The following GRIN2B variants were observed in gnomAD, a reference collection of about 807,000 sequenced individuals.
GRIN2B encodes the protein glutamate ionotropic receptor NMDA type subunit 2B.
In GRIN2B, 5 loss-of-function variants were observed where a neutral mutation model predicts 114.5. The observed-to-expected ratio is 0.04, with a 90% CI of 0.02 to 0.09. GRIN2B has a LOEUF of 0.09. Among genes scored for constraint, GRIN2B ranks in the 10% least tolerant of loss-of-function variants. GRIN2B has a pLI of 1.00. For missense variants in GRIN2B, 1,108 were observed against 1,943.5 expected, an observed-to-expected ratio of 0.57 and a Z score of 8.08; for synonymous variants, 787 against 745.1, an observed-to-expected ratio of 1.06 and a Z score of -0.92.
intron 3 of GRIN2B, among the ~76,000 whole-genome samples, chr12:13,798,169 C>T (rs1282574381): frequency 6.6e-6 from 1 of 152,200 alleles, no homozygotes; most frequent in Non-Finnish European, 1.5e-5. Flanking sequence ...CTGACCCATT[C>T]TCCTTCCTCA....
At chr12:13,576,648 G>T (rs933540258) in intron 10 of GRIN2B, among the ~76,000 whole-genome samples, 1 of 151,980 alleles carries the variant, frequency 6.6e-6, no homozygotes, top group South Asian at 2.1e-4. Context: ...AACCTCCCAG[G>T]CTCAGGTGAT....
chr12:13,718,038 G>C (rs932569081), intron 4 of GRIN2B, among the ~76,000 whole-genome samples: 1 of 151,924 alleles, frequency 6.6e-6, no homozygotes, highest in African/African-American at 2.4e-5. Flanking sequence ...CTATAATGAT[G>C]ATTCATTCCC....
rs1591607552 is a variant in GRIN2B, at chr12:13,564,733, A to G, written c.2599-94T>C. The G allele has an allele frequency of 9.0e-7, 1 of 1,110,428 alleles. No homozygotes were observed. The highest frequency in any genetic ancestry group is 2.3e-5 in the East Asian group (1 of 42,672). The allele number at this position is 1,110,428 out of a possible 1,614,324, so 68.8% of individuals were successfully genotyped here. ...CCACCAATAATTGCTCCAACTGGAT[A>G]AGAAAAAGGGAAAGCATGAAGCGAA... is the stretch of plus-strand genomic sequence containing the variant. On this transcript the variant is annotated intron_variant, in intron 13 of 13. Coordinates refer to ENST00000609686, the MANE Select transcript of GRIN2B (RefSeq NM_000834.5). This position sits in a 1 kb window ranked among gnomAD's most constrained non-coding sequence, Gnocchi z 4.8.
intron 2 of GRIN2B, among the ~76,000 whole-genome samples, chr12:13,956,925 C>T (rs1053074149): frequency 3.3e-5 from 5 of 152,158 alleles, no homozygotes; most frequent in Admixed American, 6.5e-5. Flanking sequence ...TCGTCCTCTA[C>T]CCTTAATTTC....
chr12:13,762,736 C>T (rs1316517975), intron 3 of GRIN2B, among the ~76,000 whole-genome samples: 1 of 152,190 alleles, frequency 6.6e-6, no homozygotes, highest in East Asian at 1.9e-4. Flanking sequence ...GGGCTCTTTG[C>T]CCTTCTGTCC....
At chr12:13,862,118 C>A (rs114559097) in intron 3 of GRIN2B, among the ~76,000 whole-genome samples, 1,933 of 152,226 alleles carry the variant, frequency 0.013, 41 homozygotes, top group African/African-American at 0.045. Context: ...CTCAGCTAGC[C>A]CCCGTGCTTC....
In GRIN2B at chr12:13,543,778, A is replaced by G. The variant is rs1169462526; in HGVS notation, c.*19005T>C. 3 of 152,122 alleles carry G rather than the reference A, an allele frequency of 2.0e-5. No individual in the cohort carries two copies. The highest frequency in any genetic ancestry group is 4.4e-5 in the Non-Finnish European group (3 of 68,026). The allele number at this position is 152,122 out of a possible 1,614,324, so 9.4% of individuals were successfully genotyped here. On this transcript the variant is annotated 3_prime_UTR_variant, in exon 14 of 14. Coordinates refer to ENST00000609686, the MANE Select transcript of GRIN2B (RefSeq NM_000834.5). ...CACTCTTAACTGATGAACTCCTTTCATAGTTTACTAAAAATCAATCAGAAA... is the reference window on the plus strand; with the variant it reads ...CACTCTTAACTGATGAACTCCTTTCGTAGTTTACTAAAAATCAATCAGAAA...
In GRIN2B at chr12:13,725,296, A is replaced by C. The variant is rs1862960641; in HGVS notation, c.1010+28021T>G. 2.0e-5 allele frequency among the ~76,000 whole-genome samples: 3 copies of C among 152,142 alleles called. No individual in the cohort carries two copies. In the South Asian group the frequency reaches 6.2e-4, roughly 31 times the overall value. ...AAGGAAGAAAAGAAGAATGAGAGGA[A>C]AGAAAGGGGAAGAGGAGGGGTGGAG... On this transcript the variant is annotated intron_variant, in intron 4 of 13. Coordinates refer to ENST00000609686, the MANE Select transcript of GRIN2B (RefSeq NM_000834.5).
At position 13,545,570 on chromosome 12, in the gene GRIN2B, C is replaced by A. The variant is rs1378918657; in HGVS notation, c.*17213G>T. 2 of 152,182 alleles carry A rather than the reference C, an allele frequency of 1.3e-5. No individual in the cohort carries two copies. The highest frequency in any genetic ancestry group is 2.4e-5 in the African/African-American group (1 of 41,452). The allele number at this position is 152,182 out of a possible 1,614,324, so 9.4% of individuals were successfully genotyped here. A position where few individuals can be genotyped will look rare whatever the true frequency, so the allele number is the denominator to read the frequency against. On this transcript the variant is annotated 3_prime_UTR_variant, in exon 14 of 14. Coordinates refer to ENST00000609686, the MANE Select transcript of GRIN2B (RefSeq NM_000834.5). ...GCAAGCAAGGAAACAACTCCTCCCC[C>A]AAAACCTGGATATTTATTCTAAGTG... is the stretch of plus-strand genomic sequence containing the variant.
intron 3 of GRIN2B, among the ~76,000 whole-genome samples, chr12:13,769,209 T>C (rs1001586521): frequency 2.0e-5 from 3 of 152,050 alleles, no homozygotes; most frequent in Non-Finnish European, 4.4e-5. Context: ...AGAGCTAAGG[T>C]GAGAGTCAGG....
intron 3 of GRIN2B, among the ~76,000 whole-genome samples, chr12:13,768,354 C>T (rs1026220818): frequency 1.3e-5 from 2 of 152,150 alleles, no homozygotes; most frequent in Non-Finnish European, 2.9e-5. Context: ...TCTCAGGAGT[C>T]TGAACCAAAA....
rs151001309 is a variant in GRIN2B at position 13,890,314 on chromosome 12, G to A, written c.-18-24088C>T. ...TGTGAAGTCTGCCCACCTATCTACC[G>A]CCTCTAGTAAGCAAACTACATCAGG... On this transcript the variant is annotated intron_variant, in intron 2 of 13. Coordinates refer to ENST00000609686, the MANE Select transcript of GRIN2B (RefSeq NM_000834.5). Among the ~76,000 whole-genome samples the A allele has an allele frequency of 6.5e-3, 994 of 152,216 alleles. 29 individuals are homozygous for A. Among genetic ancestry groups the A allele is most frequent in the Admixed American group, 0.053 (810 of 15,292 alleles).
At chr12:13,953,691 A>T (rs1039839226) in intron 2 of GRIN2B, among the ~76,000 whole-genome samples, 1 of 151,994 alleles carries the variant, frequency 6.6e-6, no homozygotes, top group African/African-American at 2.4e-5. Flanking sequence ...TCCCTGACTG[A>T]CATTCTCTGC....
At chr12:13,976,482 G>A (rs17339365) in intron 2 of GRIN2B, among the ~76,000 whole-genome samples, 30,152 of 152,112 alleles carry the variant, frequency 0.2, 3,896 homozygotes, top group Non-Finnish European at 0.28. Flanking sequence ...AAATACACAA[G>A]ATGAGTGGTT....
At chr12:13,705,868 C>T (rs1286440238) in intron 4 of GRIN2B, among the ~76,000 whole-genome samples, 2 of 152,062 alleles carry the variant, frequency 1.3e-5, no homozygotes, top group South Asian at 2.1e-4. Context: ...AGAAAGGTGA[C>T]GAGAGTTTGG....
chr12:13,793,506 T>C (rs1199687758), intron 3 of GRIN2B, among the ~76,000 whole-genome samples: 1 of 152,180 alleles, frequency 6.6e-6, no homozygotes, highest in Non-Finnish European at 1.5e-5. Context: ...CAAAGATGTG[T>C]TCAGTACCCT....
At chr12:13,618,027 T>C (rs1949465957) in intron 5 of GRIN2B, among the ~76,000 whole-genome samples, 2 of 152,236 alleles carry the variant, frequency 1.3e-5, no homozygotes, top group South Asian at 4.1e-4. Flanking sequence ...AGGGTATAAA[T>C]GATGTTTTGC....
intron 10 of GRIN2B, among the ~76,000 whole-genome samples, chr12:13,580,896 G>C (rs904175298): frequency 6.6e-6 from 1 of 152,098 alleles, no homozygotes; most frequent in Admixed American, 6.5e-5. Context: ...TTTCTAAAAC[G>C]TCATATAAAT....
chr12:13,875,773 C>T (rs1865983461), intron 2 of GRIN2B, among the ~76,000 whole-genome samples: 1 of 152,320 alleles, frequency 6.6e-6, no homozygotes, highest in South Asian at 2.1e-4. Flanking sequence ...TCTCTAACTG[C>T]AAGTCCTTTA....
Sources: allele counts gnomAD v4.1 joint callset (sites outside exome capture counted in the v4.1 genomes callset), GRCh38; gene constraint gnomAD v4.1.1; non-coding constraint Gnocchi (gnomAD v3.1); transcripts MANE v1.5; gene names NCBI Gene and HGNC (gene_info 2026-07-23, HGNC 2026-07-21).